The following ALCAM variants were observed in gnomAD, a reference collection of about 807,000 sequenced individuals.
ALCAM encodes CD166 antigen.
In ALCAM, 30 loss-of-function variants were observed where a neutral mutation model predicts 70.9. The ratio of observed to expected loss-of-function variants is 0.42; its 90% CI spans 0.32 to 0.57. ALCAM has a LOEUF of 0.57. ALCAM is among the 20% of genes least tolerant of loss of function. The pLI, the probability that ALCAM is intolerant of heterozygous loss-of-function variation, is 0.11. For missense variants in ALCAM, 591 were observed against 695.1 expected (o/e 0.85, Z 1.68); for synonymous variants, 249 against 242.5 (o/e 1.03, Z -0.25).
chr3:105,552,437 T>C (rs1334118161), intron 13 of ALCAM, 31 bp from the exon 14 acceptor site: 1 of 1,597,198 alleles, frequency 6.3e-7, no homozygotes, highest in South Asian at 1.1e-5. Flanking sequence ...GCATTGTCTG[T>C]AATTGCATGG....
At chr3:105,539,123 A>G (rs1164243785) in intron 6 of ALCAM, among the ~76,000 whole-genome samples, 1 of 152,144 alleles carries the variant, frequency 6.6e-6, no homozygotes, top group East Asian at 1.9e-4. Context: ...AACATTCTAT[A>G]AAACATACCT....
chr3:105,440,400 T>A (rs1937145933), intron 1 of ALCAM, among the ~76,000 whole-genome samples: 1 of 152,198 alleles, frequency 6.6e-6, no homozygotes, highest in Admixed American at 6.5e-5. Flanking sequence ...AAGGGCCTTT[T>A]CAGGCTTGTC....
rs140077678 is a variant in ALCAM, at chr3:105,556,506, T to C, written c.1664+3921T>C. On this transcript the variant is annotated intron_variant, in intron 14 of 15. Coordinates refer to ENST00000306107, the MANE Select transcript of ALCAM (RefSeq NM_001627.4). ...ATCTAAAAGTCAGAAATACCCTTTGTTAGTTCTGCCTTATACGATGCTTTA... is the reference window on the plus strand; with the variant it reads ...ATCTAAAAGTCAGAAATACCCTTTGCTAGTTCTGCCTTATACGATGCTTTA... 6.0e-3 allele frequency among the ~76,000 whole-genome samples: 910 copies of C among 152,128 alleles called. 7 individuals are homozygous for C. Among genetic ancestry groups the C allele is most frequent in the African/African-American group, 0.021 (871 of 41,550 alleles).
In ALCAM at chr3:105,426,823, C is replaced by G. The variant is rs142838470; in HGVS notation, c.73+59342C>G. Among the ~76,000 whole-genome samples, 540 of 151,646 alleles carry G rather than the reference C, an allele frequency of 3.6e-3. 4 individuals carry two copies. The highest frequency in any genetic ancestry group is 0.012 in the African/African-American group (509 of 41,382). ...GGACATAAGTATGGCTATGATTGCC[C>G]CCACCTCCCAAAAAAACAACAAAAA... On this transcript the variant is annotated intron_variant, in intron 1 of 15. Coordinates refer to ENST00000306107, the MANE Select transcript of ALCAM (RefSeq NM_001627.4).
At chr3:105,463,506 A>ATGTT (rs1433817500) in intron 1 of ALCAM, among the ~76,000 whole-genome samples, 38 of 151,512 alleles carry the variant, frequency 2.5e-4, no homozygotes, top group Non-Finnish European at 4.9e-4. Flanking sequence ...TTCTTAAGGC[A>ATGTT]TTTTGGTGAA....
chr3:105,439,351 A>G (rs1937120844), intron 1 of ALCAM: 1 of 152,092 alleles, frequency 6.6e-6, no homozygotes, highest in South Asian at 2.1e-4. Flanking sequence ...CATTATTTGA[A>G]TGGTTTGTGC....
chr3:105,437,724 A>G (rs201245885), intron 1 of ALCAM, among the ~76,000 whole-genome samples: 1 of 151,810 alleles, frequency 6.6e-6, no homozygotes, highest in East Asian at 1.9e-4. Flanking sequence ...AACGTGGAAA[A>G]TTTTTCTTTT....
At chr3:105,467,177 C>A (rs539404823) in intron 1 of ALCAM, among the ~76,000 whole-genome samples, 8 of 151,204 alleles carry the variant, frequency 5.3e-5, no homozygotes, top group East Asian at 1.9e-4. Flanking sequence ...TGCCTAGAAA[C>A]CTCTCTGGAA....
chr3:105,512,858 T>C (rs540900535), intron 1 of ALCAM, among the ~76,000 whole-genome samples: 1 of 152,046 alleles, frequency 6.6e-6, no homozygotes, highest in East Asian at 1.9e-4. Context: ...AGAAGTATAA[T>C]AGTAGGAAAT....
rs143118844 is a variant in ALCAM, at chr3:105,407,771, T to G, written c.73+40290T>G. Among the ~76,000 whole-genome samples, 22 of 152,238 alleles carry G rather than the reference T, an allele frequency of 1.4e-4. 1 individual carries two copies. In the East Asian group the frequency reaches 4.3e-3, roughly 29 times the overall value. ...AGGGCATCCGAAGAGGAAGTCAAAC[T>G]GTCACTGTGTGCTGATGATATGGTT... On this transcript the variant is annotated intron_variant, in intron 1 of 15. Coordinates refer to ENST00000306107, the MANE Select transcript of ALCAM (RefSeq NM_001627.4).
At chr3:105,457,398 T>G (rs1173340778) in intron 1 of ALCAM, among the ~76,000 whole-genome samples, 1 of 151,918 alleles carries the variant, frequency 6.6e-6, no homozygotes, top group African/African-American at 2.4e-5. Context: ...TCTGGGCCTA[T>G]TAGAAGGAGG....
chr3:105,459,204 GC>G (rs1461594335), intron 1 of ALCAM, among the ~76,000 whole-genome samples: 1 of 152,052 alleles, frequency 6.6e-6, no homozygotes, highest in East Asian at 1.9e-4. Context: ...ATATTCTGGT[GC>G]TTCCGCATGA....
intron 1 of ALCAM, among the ~76,000 whole-genome samples, chr3:105,501,495 G>A (rs571680725): frequency 6.6e-6 from 1 of 152,166 alleles, no homozygotes; most frequent in Admixed American, 6.5e-5. Flanking sequence ...CATCAGAAGA[G>A]TATGCAAGAT....
intron 1 of ALCAM, among the ~76,000 whole-genome samples, chr3:105,395,315 C>T (rs1935922990): frequency 6.6e-6 from 1 of 151,950 alleles, no homozygotes; most frequent in Non-Finnish European, 1.5e-5. Context: ...CATACAGTGT[C>T]ACTGTAATCC....
chr3:105,520,039 C>G, intron 1 of ALCAM, 28 bp from the exon 2 acceptor site: 1 of 1,443,092 alleles, frequency 6.9e-7, no homozygotes, highest in Non-Finnish European at 9.4e-7. Flanking sequence ...CTCTTTCTCT[C>G]TTCTTCCTTT....
intron 1 of ALCAM, among the ~76,000 whole-genome samples, chr3:105,399,026 T>C (rs1002556014): frequency 6.6e-6 from 1 of 152,138 alleles, no homozygotes; most frequent in African/African-American, 2.4e-5. Flanking sequence ...TCAAAATACA[T>C]AGAAATGCAG....
In ALCAM at chr3:105,520,084, G is replaced by A; in HGVS notation, c.91G>A (p.Val31Ile). The A allele has an allele frequency of 6.2e-7, 1 of 1,606,394 alleles. No homozygotes were observed. Among genetic ancestry groups the A allele is most frequent in the East Asian group, 2.2e-5 (1 of 44,628 alleles). ...CCCCAAAGGCCTTGGATGGTATACT[G>A]TAAATTCAGCATATGGAGATACCAT... ...VFRPGLGWYTVNSAYGDTIII... is the reference protein window; with the variant it reads ...VFRPGLGWYTINSAYGDTIII... The change falls in exon 2 of 16, where the codon GTA becomes ATA. Residue 31 changes from valine to isoleucine, a missense_variant. Transcript: ENST00000306107.
chr3:105,503,497 G>T (rs966280755), intron 1 of ALCAM, among the ~76,000 whole-genome samples: 3 of 151,998 alleles, frequency 2.0e-5, no homozygotes, highest in Non-Finnish European at 4.4e-5. Flanking sequence ...CATTCCCACT[G>T]CCCTATTTCA....
chr3:105,435,089 G>T (rs770747609), intron 1 of ALCAM, among the ~76,000 whole-genome samples: 3 of 152,122 alleles, frequency 2.0e-5, no homozygotes, highest in African/African-American at 7.2e-5. Flanking sequence ...TAAAACAAGG[G>T]CATACAGGTT....
Sources: gnomAD v4.1 joint callset for allele counts (sites outside exome capture counted in the v4.1 genomes callset) on GRCh38, gnomAD v4.1.1 for gene constraint, MANE v1.5 for transcripts, NCBI Gene and HGNC (gene_info 2026-07-23, HGNC 2026-07-21) for gene names.